TRPC6: variants seen among roughly 807,000 people sequenced by gnomAD.
TRPC6 encodes short transient receptor potential channel 6.
TRPC6 carries 55 observed loss-of-function variants against 90.7 expected under a neutral mutation model. The ratio of observed to expected loss-of-function variants is 0.61; its 90% CI spans 0.49 to 0.76. The LOEUF is 0.76. Among genes scored for constraint, TRPC6 ranks in the 30% least tolerant of loss-of-function variants. The pLI, the probability that TRPC6 is intolerant of heterozygous loss-of-function variation, is 0.00. For synonymous variants in TRPC6, 393 were observed against 393.0 expected (o/e 1.00, Z 0.00); for missense variants, 989 against 1,122.7 (o/e 0.88, Z 1.70).
rs1859265282 is a variant in TRPC6 at position 101,470,607 on chromosome 11, C to G, written c.2409+576G>C. Among the ~76,000 whole-genome samples, 4 of 152,176 alleles carry G rather than the reference C, an allele frequency of 2.6e-5. No individual in the cohort carries two copies. The South Asian group carries it at 8.3e-4, about 32-fold the overall frequency. On this transcript the variant is annotated intron_variant, in intron 9 of 12. Coordinates refer to ENST00000344327, the MANE Select transcript of TRPC6 (RefSeq NM_004621.6). The stretch of plus-strand genomic sequence containing the variant: ...ATCTGAACATGCTGTGATCGCCCTA[C>G]TGCCTCATCTAAGCACTAAATCTTT...
chr11:101,583,267 T>C (rs1356234755), intron 1 of TRPC6, 67 bp downstream of exon 1: 17 of 1,519,616 alleles, frequency 1.1e-5, no homozygotes, highest in African/African-American at 2.8e-5. Flanking sequence ...ACTCGGCCAC[T>C]CCTGCGAGCG....
At chr11:101,525,963 G>A (rs2136786585) in intron 1 of TRPC6, among the ~76,000 whole-genome samples, 1 of 152,260 alleles carries the variant, frequency 6.6e-6, no homozygotes, top group African/African-American at 2.4e-5. Context: ...GGGCGGGGCA[G>A]CTCCTTTTCT....
chr11:101,531,625 G>T (rs777142438), intron 1 of TRPC6, among the ~76,000 whole-genome samples: 1 of 152,180 alleles, frequency 6.6e-6, no homozygotes, highest in Non-Finnish European at 1.5e-5. Context: ...TGAATAGGAT[G>T]AATGAAGCAG....
intron 11 of TRPC6, among the ~76,000 whole-genome samples, chr11:101,454,807 T>A (rs1858846576): frequency 6.7e-6 from 1 of 148,338 alleles, no homozygotes; most frequent in Non-Finnish European, 1.5e-5. Context: ...ATGGAGACTT[T>A]CAGATCTGTG....
intron 1 of TRPC6, among the ~76,000 whole-genome samples, chr11:101,505,153 A>G (rs908911583): frequency 6.6e-6 from 1 of 152,240 alleles, no homozygotes; most frequent in African/African-American, 2.4e-5. Flanking sequence ...TCACAATGTG[A>G]TAGAGAATAT....
chr11:101,552,950 A>G (rs971337005), intron 1 of TRPC6, among the ~76,000 whole-genome samples: 1 of 152,140 alleles, frequency 6.6e-6, no homozygotes, highest in Non-Finnish European at 1.5e-5. Flanking sequence ...TAACCAATAA[A>G]TGTTTATTCT....
chr11:101,495,619 ATTAT>A (rs1180246781), intron 2 of TRPC6, among the ~76,000 whole-genome samples: 1 of 146,492 alleles, frequency 6.8e-6, no homozygotes, highest in South Asian at 2.1e-4. Flanking sequence ...TATTATTATT[ATTAT>A]TATTATTATT....
At chr11:101,533,839 T>C (rs560257944) in intron 1 of TRPC6, among the ~76,000 whole-genome samples, 3 of 152,246 alleles carry the variant, frequency 2.0e-5, no homozygotes, top group African/African-American at 7.2e-5. Flanking sequence ...CTCAGCCCAA[T>C]ATCAAAGGCC....
intron 1 of TRPC6, among the ~76,000 whole-genome samples, chr11:101,572,519 A>G (rs548869761): frequency 6.6e-6 from 1 of 152,350 alleles, no homozygotes; most frequent in Non-Finnish European, 1.5e-5. Context: ...TATATACCCA[A>G]AGGATTATAA....
intron 3 of TRPC6, 109 bp downstream of exon 3, chr11:101,491,443 AAAAG>A (rs1859806471): frequency 4.2e-6 from 6 of 1,435,348 alleles, no homozygotes; most frequent in Non-Finnish European, 5.7e-6. Context: ...CAAAAAAAAA[AAAAG>A]AGAAAAGAAA....
chr11:101,495,780 A>G (rs1859930319), intron 2 of TRPC6, among the ~76,000 whole-genome samples: 2 of 152,062 alleles, frequency 1.3e-5, no homozygotes. Context: ...ATATTTTCAC[A>G]ACAAATCTTT....
rs201186664 is a variant in TRPC6, at chr11:101,453,116, C to A, written c.2645-10G>T. ...ATTTCCTTCAGTTCCCCTTTGAAAG[C>A]AAGAGTGATAAGAAGTCAACTATAA... On this transcript the variant is annotated splice_polypyrimidine_tract_variant and intron_variant, in intron 12 of 12. Coordinates refer to ENST00000344327, the MANE Select transcript of TRPC6 (RefSeq NM_004621.6). 3 of 1,593,372 alleles carry A rather than the reference C, an allele frequency of 1.9e-6. No homozygotes were observed. The highest frequency in any genetic ancestry group is 2.6e-6 in the Non-Finnish European group (3 of 1,176,118).
At chr11:101,467,664 G>T (rs1221358935) in intron 10 of TRPC6, among the ~76,000 whole-genome samples, 1 of 152,192 alleles carries the variant, frequency 6.6e-6, no homozygotes, top group Non-Finnish European at 1.5e-5. Flanking sequence ...GAACATGGGT[G>T]GTAGGCTTCT....
rs376719904 is a variant in TRPC6 at position 101,500,213 on chromosome 11, TC to T, written c.945+3810del. ...TTTCAAAATGTGTATTTTTTTTCTT[TC>T]TTTTTTTTTTTTGAGACGGAGTCTT... is the stretch of plus-strand genomic sequence containing the variant. On this transcript the variant is annotated intron_variant, in intron 2 of 12. Coordinates refer to ENST00000344327, the MANE Select transcript of TRPC6 (RefSeq NM_004621.6). 6.1e-5 allele frequency among the ~76,000 whole-genome samples: 9 copies of T among 147,908 alleles called. 2 individuals carry two copies. Among genetic ancestry groups the T allele is most frequent in the African/African-American group, 9.9e-5 (4 of 40,254 alleles).
intron 10 of TRPC6, among the ~76,000 whole-genome samples, chr11:101,458,586 C>G (rs1260262451): frequency 6.6e-6 from 1 of 152,202 alleles, no homozygotes; most frequent in Non-Finnish European, 1.5e-5. Flanking sequence ...CCACCAAACT[C>G]AGTGACCTTT....
In TRPC6 at chr11:101,505,642, T is replaced by C. The variant is rs1860244527; in HGVS notation, c.171-844A>G. On this transcript the variant is annotated intron_variant, in intron 1 of 12. Transcript: ENST00000344327. ...AGAAAATTATAATCAAGTTGTCAGG[T>C]AGGAAAAAACACTTCTATGGTGCAG... Among the ~76,000 whole-genome samples, 5 of 151,898 alleles carry C rather than the reference T, an allele frequency of 3.3e-5. No individual in the cohort carries two copies. The South Asian group carries it at 1.0e-3, about 31-fold the overall frequency.
chr11:101,486,643 A>G (rs1411369313), intron 4 of TRPC6, among the ~76,000 whole-genome samples: 1 of 152,182 alleles, frequency 6.6e-6, no homozygotes, highest in Non-Finnish European at 1.5e-5. Flanking sequence ...GAATGGGGAA[A>G]GAAGAAACCC....
chr11:101,493,267 A>C (rs1452082299), intron 2 of TRPC6, among the ~76,000 whole-genome samples: 1 of 152,184 alleles, frequency 6.6e-6, no homozygotes, highest in Non-Finnish European at 1.5e-5. Context: ...AAAAATTTTC[A>C]CAAAGAAATC....
chr11:101,521,798 G>A (rs576052766), intron 1 of TRPC6, among the ~76,000 whole-genome samples: 1 of 152,340 alleles, frequency 6.6e-6, no homozygotes, highest in South Asian at 2.1e-4. Flanking sequence ...AGTTAAATGA[G>A]ATTATTTTGG....
Sources: gnomAD v4.1 joint callset for allele counts (sites outside exome capture counted in the v4.1 genomes callset) on GRCh38, gnomAD v4.1.1 for gene constraint, MANE v1.5 for transcripts, NCBI Gene and HGNC (gene_info 2026-07-23, HGNC 2026-07-21) for gene names.